SDHC: variants seen among roughly 807,000 people sequenced by gnomAD.
SDHC encodes succinate dehydrogenase complex subunit C, also known as succinate dehydrogenase cytochrome b560 subunit, mitochondrial.
SDHC carries 11 observed loss-of-function variants against 22.6 expected under a neutral mutation model. That is an observed-to-expected ratio of 0.49 (90% CI 0.31 to 0.81). The LOEUF is 0.81. Among genes scored for constraint, SDHC ranks in the 30% least tolerant of loss-of-function variants. The pLI, the probability that SDHC is intolerant of heterozygous loss-of-function variation, is 0.05. For synonymous variants in SDHC, 80 were observed against 77.8 expected (o/e 1.03, Z -0.15); for missense variants, 160 against 212.0 (o/e 0.75, Z 1.52).
chr1:161,355,752 G>A (rs922023689), intron 4 of SDHC, among the ~76,000 whole-genome samples: 1 of 152,180 alleles, frequency 6.6e-6, no homozygotes, highest in African/African-American at 2.4e-5. Flanking sequence ...GGGAGGCTGA[G>A]GTGGGCGAAT....
rs1444274101 is a variant in SDHC at position 161,353,535 on chromosome 1, CTGTT to C, written c.242-3139_242-3136del. 5.9e-5 allele frequency among the ~76,000 whole-genome samples: 9 copies of C among 152,302 alleles called. No homozygotes were observed. The East Asian group carries it at 1.5e-3, about 26-fold the overall frequency. The stretch of plus-strand genomic sequence containing the variant: ...ATCTTCCTCCCAAATGTTCATCAAA[CTGTT>C]TGAGTTCAGGTTTACCTCAGTGTCT... On this transcript the variant is annotated intron_variant, in intron 4 of 5. Transcript: ENST00000367975.
At chr1:161,361,100 C>T (rs1344002759) in intron 5 of SDHC, among the ~76,000 whole-genome samples, 7 of 152,132 alleles carry the variant, frequency 4.6e-5, no homozygotes, top group East Asian at 3.9e-4. Context: ...CAGAAGTTCA[C>T]GCCCGTAATG....
At chr1:161,337,175 C>T (rs1223165809) in intron 3 of SDHC, among the ~76,000 whole-genome samples, 1 of 151,968 alleles carries the variant, frequency 6.6e-6, no homozygotes, top group Non-Finnish European at 1.5e-5. Context: ...GCCACTGTGC[C>T]TGCCCACATC....
At chr1:161,359,042 G>A (rs1431999072) in intron 5 of SDHC, among the ~76,000 whole-genome samples, 1 of 151,442 alleles carries the variant, frequency 6.6e-6, no homozygotes, top group Non-Finnish European at 1.5e-5. Flanking sequence ...GTTGCAGTGA[G>A]CCAAGATCAT....
intron 1 of SDHC, among the ~76,000 whole-genome samples, chr1:161,320,524 G>A (rs1444755140): frequency 6.6e-6 from 1 of 151,910 alleles, no homozygotes; most frequent in Admixed American, 6.6e-5. Flanking sequence ...ACATAGACTT[G>A]GCTTTGAATA....
chr1:161,358,268 T>C, intron 5 of SDHC, among the ~76,000 whole-genome samples: 1 of 151,034 alleles, frequency 6.6e-6, no homozygotes, highest in Non-Finnish European at 1.5e-5. Flanking sequence ...GCCTTACAGG[T>C]GCCTGCCACC....
intron 1 of SDHC, 107 bp downstream of exon 1, chr1:161,314,532 G>C: frequency 2.8e-6 from 4 of 1,405,880 alleles, no homozygotes; most frequent in Non-Finnish European, 4.0e-6. Context: ...GCAGGGAAAG[G>C]ACCCATGGGT....
intron 1 of SDHC, 74 bp from the exon 2 acceptor site, chr1:161,323,540 C>A: frequency 8.6e-7 from 1 of 1,163,444 alleles, no homozygotes; most frequent in South Asian, 1.2e-5. Context: ...CCCTTCACCC[C>A]TAAAAATAGA....
intron 4 of SDHC, among the ~76,000 whole-genome samples, chr1:161,346,603 G>C (rs1167725596): frequency 6.6e-6 from 1 of 152,012 alleles, no homozygotes; most frequent in Admixed American, 6.6e-5. Context: ...TCTCCATGTT[G>C]GTCAGGCTGG....
chr1:161,351,481 T>C (rs1672094201), intron 4 of SDHC, among the ~76,000 whole-genome samples: 1 of 152,192 alleles, frequency 6.6e-6, no homozygotes, highest in South Asian at 2.1e-4. Flanking sequence ...ACAGGCTTGG[T>C]GGTGATTATT....
At chr1:161,349,758 G>T (rs980457169) in intron 4 of SDHC, among the ~76,000 whole-genome samples, 3 of 152,126 alleles carry the variant, frequency 2.0e-5, no homozygotes, top group African/African-American at 7.2e-5. Context: ...AGTGAAAAAA[G>T]TGCACTTTGG....
At chr1:161,348,121 A>G (rs1185938413) in intron 4 of SDHC, among the ~76,000 whole-genome samples, 1 of 152,180 alleles carries the variant, frequency 6.6e-6, no homozygotes, top group Non-Finnish European at 1.5e-5. Context: ...TTTGACTTTA[A>G]AATAGAATTT....
chr1:161,328,059 G>A (rs1016957929), intron 2 of SDHC, among the ~76,000 whole-genome samples: 5 of 147,990 alleles, frequency 3.4e-5, no homozygotes, highest in South Asian at 2.1e-4. Flanking sequence ...GCTTGAGTGC[G>A]ATGGCGCAAT....
At chr1:161,339,491 A>T (rs1671627831) in intron 3 of SDHC, 1 of 826,068 alleles carries the variant, frequency 1.2e-6, no homozygotes, top group African/African-American at 1.8e-5. Context: ...TCCAACTTTA[A>T]TGAGTGTCTT....
intron 4 of SDHC, among the ~76,000 whole-genome samples, chr1:161,351,618 A>C (rs1481307987): frequency 1.3e-5 from 2 of 152,160 alleles, no homozygotes; most frequent in African/African-American, 2.4e-5. Flanking sequence ...TAGTCCTTGC[A>C]TTACCAAGTT....
At chr1:161,331,697 G>T (rs1175121097) in intron 3 of SDHC, among the ~76,000 whole-genome samples, 4 of 150,346 alleles carry the variant, frequency 2.7e-5, no homozygotes. Context: ...CCTGGTTCAC[G>T]CGGTTCTCCT....
intron 4 of SDHC, 54 bp downstream of exon 4, chr1:161,340,709 G>A: frequency 1.4e-6 from 2 of 1,423,012 alleles, no homozygotes; most frequent in Non-Finnish European, 2.0e-6. Context: ...AAACTTGGCT[G>A]TTTCATTGGC....
chr1:161,331,645 C>T (rs1032857199), intron 3 of SDHC, among the ~76,000 whole-genome samples: 1 of 147,698 alleles, frequency 6.8e-6, no homozygotes, highest in African/African-American at 2.5e-5. Context: ...GCCAGGGCTG[C>T]AATGCAGTGG....
chr1:161,346,428 T>C (rs1392628302), intron 4 of SDHC, among the ~76,000 whole-genome samples: 1 of 151,846 alleles, frequency 6.6e-6, no homozygotes, highest in African/African-American at 2.4e-5. Context: ...AGACAGAGTT[T>C]CGCTTTTGTT....
Sources: gnomAD v4.1 joint callset for allele counts (sites outside exome capture counted in the v4.1 genomes callset) on GRCh38, gnomAD v4.1.1 for gene constraint, MANE v1.5 for transcripts, NCBI Gene and HGNC (gene_info 2026-07-23, HGNC 2026-07-21) for gene names.